The following RIN2 variants were observed in gnomAD, a reference collection of about 807,000 sequenced individuals.
RIN2 encodes RAB5 interacting protein 2.
RIN2 carries 36 observed loss-of-function variants against 78.0 expected under a neutral mutation model. The observed-to-expected ratio is 0.46, with a 90% CI of 0.35 to 0.61. The LOEUF (loss-of-function observed/expected upper bound fraction) is 0.61, where lower values mean the gene tolerates loss of function less well. Ranked by LOEUF, RIN2 falls within the 20% of genes least tolerant of loss-of-function variation. The pLI is 0.00. For synonymous variants in RIN2, 466 were observed against 466.8 expected, an observed-to-expected ratio of 1.00 and a Z score of 0.02; for missense variants, 1,087 against 1,159.7, an observed-to-expected ratio of 0.94 and a Z score of 0.91.
chr20:19,884,289 G>A (rs1295784806), intron 2 of RIN2, among the ~76,000 whole-genome samples: 1 of 152,044 alleles, frequency 6.6e-6, no homozygotes, highest in Non-Finnish European at 1.5e-5. Flanking sequence ...GTTGAATGTG[G>A]TAGCACACAC....
At chr20:19,831,786 A>G (rs758328464) in intron 2 of RIN2, among the ~76,000 whole-genome samples, 4 of 152,210 alleles carry the variant, frequency 2.6e-5, no homozygotes, top group African/African-American at 4.8e-5. Flanking sequence ...AGTTTATTGT[A>G]GTAGATACAA....
intron 2 of RIN2, among the ~76,000 whole-genome samples, chr20:19,871,483 T>C (rs1343081284): frequency 6.6e-6 from 1 of 152,158 alleles, no homozygotes; most frequent in African/African-American, 2.4e-5. Flanking sequence ...GGGAGCAGGG[T>C]TGAGGTGAGA....
intron 4 of RIN2, chr20:19,935,626 C>T: frequency 1.0e-6 from 1 of 990,462 alleles, no homozygotes; most frequent in Non-Finnish European, 1.2e-6. Context: ...AAAACCCCAG[C>T]AGTCTCCAAA....
At chr20:19,981,745 C>A (rs1345292803) in intron 9 of RIN2, among the ~76,000 whole-genome samples, 5 of 152,212 alleles carry the variant, frequency 3.3e-5, no homozygotes, top group African/African-American at 9.6e-5. Flanking sequence ...CCTTTCCTTG[C>A]TGGGCTAATG....
chr20:19,995,428 T>A (rs2042929569), intron 11 of RIN2, among the ~76,000 whole-genome samples: 1 of 152,136 alleles, frequency 6.6e-6, no homozygotes, highest in Admixed American at 6.5e-5. Context: ...CTGTGCCCAA[T>A]TAGGGAATTT....
chr20:19,774,412 G>A (rs2034239706), intron 1 of RIN2, among the ~76,000 whole-genome samples: 1 of 152,152 alleles, frequency 6.6e-6, no homozygotes, highest in Non-Finnish European at 1.5e-5. Flanking sequence ...TATAATAAAA[G>A]CAATATTTTT....
chr20:19,904,749 AGTGCCACCTAT>A (rs2039145319), intron 3 of RIN2, among the ~76,000 whole-genome samples: 1 of 152,114 alleles, frequency 6.6e-6, no homozygotes, highest in Non-Finnish European at 1.5e-5. Flanking sequence ...TGAGGAGGGG[AGTGCCACCTAT>A]GTGCCACCCT....
At chr20:19,944,676 A>T (rs2041014968) in intron 4 of RIN2, among the ~76,000 whole-genome samples, 2 of 151,734 alleles carry the variant, frequency 1.3e-5, no homozygotes, top group South Asian at 4.1e-4. Context: ...ACACAAAAAT[A>T]TCAAGAGAAG....
At chr20:19,835,810 TCTC>T (rs1378628059) in intron 2 of RIN2, among the ~76,000 whole-genome samples, 1 of 152,088 alleles carries the variant, frequency 6.6e-6, no homozygotes, top group African/African-American at 2.4e-5. Flanking sequence ...TAGGAAAATC[TCTC>T]CTCTCCATGA....
chr20:19,910,815 G>A (rs1386749436), intron 3 of RIN2, among the ~76,000 whole-genome samples: 1 of 150,018 alleles, frequency 6.7e-6, no homozygotes, highest in Non-Finnish European at 1.5e-5. Context: ...TGATCCGCCT[G>A]CCTCGGCCTC....
chr20:19,795,854 A>G (rs1029756240), intron 1 of RIN2, among the ~76,000 whole-genome samples: 1 of 152,192 alleles, frequency 6.6e-6, no homozygotes, highest in Non-Finnish European at 1.5e-5. Context: ...ACTAAGCTCC[A>G]GAAGCTCTAT....
intron 2 of RIN2, among the ~76,000 whole-genome samples, chr20:19,860,259 G>A (rs2037290936): frequency 6.6e-6 from 1 of 151,550 alleles, no homozygotes; most frequent in African/African-American, 2.4e-5. Flanking sequence ...GGTGCCAAGA[G>A]ACATCCTGTA....
chr20:19,975,166 CG>C lies in RIN2; in HGVS notation c.1143del (p.Pro382ArgfsTer48). The C allele has an allele frequency of 6.2e-7, 1 of 1,611,474 alleles. No individual in the cohort carries two copies. The highest frequency in any genetic ancestry group is 8.5e-7 in the Non-Finnish European group (1 of 1,179,218). ...CGGTGCAAAGACCTTGAGCGGCGGC[CG>C]GCCGGGCGCAGGCCCGGAGCTGGAG... ...EGGAKTLSGG[R>X]PGAGPELELG... On this transcript the variant is annotated frameshift_variant, in exon 9 of 13. Coordinates refer to ENST00000255006, the MANE Select transcript of RIN2 (RefSeq NM_018993.4). LOFTEE classifies it high-confidence loss of function. The surrounding 1 kb of genome is among the most constrained non-coding windows in gnomAD (Gnocchi z 4.9).
At chr20:19,971,528 T>G (rs1010405701) in intron 8 of RIN2, among the ~76,000 whole-genome samples, 2 of 152,130 alleles carry the variant, frequency 1.3e-5, no homozygotes, top group Admixed American at 1.3e-4. Context: ...AAAATGTTCC[T>G]CCTAGATCAA....
At chr20:19,905,853 G>A (rs2039196879) in intron 3 of RIN2, among the ~76,000 whole-genome samples, 1 of 152,188 alleles carries the variant, frequency 6.6e-6, no homozygotes, top group Non-Finnish European at 1.5e-5. Context: ...GGACTGTATT[G>A]CCCCTATATA....
intron 3 of RIN2, among the ~76,000 whole-genome samples, chr20:19,898,642 G>T (rs901233612): frequency 6.6e-6 from 1 of 152,156 alleles, no homozygotes; most frequent in African/African-American, 2.4e-5. Context: ...TGTAACCTTT[G>T]GTGTTCTCCC....
chr20:19,932,263 C>T (rs1361213715), intron 3 of RIN2, among the ~76,000 whole-genome samples: 1 of 152,224 alleles, frequency 6.6e-6, no homozygotes, highest in Non-Finnish European at 1.5e-5. Context: ...CCACTCACTT[C>T]TGCCTTCCGC....
intron 9 of RIN2, among the ~76,000 whole-genome samples, chr20:19,976,927 G>T (rs1568693757): frequency 6.6e-6 from 1 of 152,090 alleles, no homozygotes; most frequent in African/African-American, 2.4e-5. Context: ...AGCCTTGTTT[G>T]TTTTCTTGTG....
intron 4 of RIN2, among the ~76,000 whole-genome samples, chr20:19,936,633 G>A (rs1016281648): frequency 1.3e-5 from 2 of 152,170 alleles, no homozygotes; most frequent in Non-Finnish European, 2.9e-5. Context: ...GGTGTGAGAA[G>A]GACGTTCTGA....
Sources: gnomAD v4.1 joint callset for allele counts (sites outside exome capture counted in the v4.1 genomes callset) on GRCh38, gnomAD v4.1.1 for gene constraint, Gnocchi (gnomAD v3.1) non-coding constraint, MANE v1.5 for transcripts, NCBI Gene and HGNC (gene_info 2026-07-23, HGNC 2026-07-21) for gene names.